UBE2D3: variants seen among roughly 807,000 people sequenced by gnomAD.
UBE2D3 encodes the protein ubiquitin-conjugating enzyme E2 D3.
A neutral mutation model predicts 22.8 loss-of-function variants in UBE2D3; 2 were observed. The ratio of observed to expected loss-of-function variants is 0.09; its 90% CI spans 0.04 to 0.28. The LOEUF is 0.28. UBE2D3 is among the 10% of genes least tolerant of loss of function. The pLI is 1.00. For missense variants in UBE2D3, 27 were observed against 182.5 expected (o/e 0.15, Z 4.91); for synonymous variants, 56 against 60.4 (o/e 0.93, Z 0.34).
intron 1 of UBE2D3, among the ~76,000 whole-genome samples, chr4:102,855,483 C>A (rs962504507): frequency 2.0e-5 from 3 of 152,214 alleles, no homozygotes; most frequent in African/African-American, 7.2e-5. Flanking sequence ...CTGGAGCAAT[C>A]ATAGTTCACT....
At position 102,802,506 on chromosome 4, in the gene UBE2D3, T is replaced by A. The variant is rs745974266; in HGVS notation, c.198+55A>T. The A allele has an allele frequency of 2.1e-6, 3 of 1,444,458 alleles. No homozygotes were observed. The highest frequency in any genetic ancestry group is 2.9e-6 in the Non-Finnish European group (3 of 1,048,576). 89.5% of individuals were successfully genotyped at this position (1,444,458 alleles called of 1,614,324 possible). On this transcript the variant is annotated intron_variant, in intron 5 of 7. Coordinates refer to ENST00000453744, the MANE Select transcript of UBE2D3 (RefSeq NM_181891.3). ...ACCCTATCTTCCAAGAATGCTCTAT[T>A]CCTTTGAAATAAAGCATAAATCTAT... is the stretch of plus-strand genomic sequence containing the variant.
At chr4:102,861,368 C>G (rs780106683) in intron 1 of UBE2D3, among the ~76,000 whole-genome samples, 1 of 151,982 alleles carries the variant, frequency 6.6e-6, no homozygotes, top group Non-Finnish European at 1.5e-5. Context: ...TACTAATCCA[C>G]CAACTTGCTG....
rs149489227 is a variant in UBE2D3, at chr4:102,827,073, AAAGG to A, written c.-129+350_-129+353del. ...GTGCGGCCGGGAAAAGGAAGGAAAT[AAAGG>A]AAGGGAGACTTGATGTGTATTGCTA... On this transcript the variant is annotated intron_variant, in intron 1 of 7. Coordinates refer to ENST00000453744, the MANE Select transcript of UBE2D3 (RefSeq NM_181891.3). 2,644 of 989,556 alleles carry A rather than the reference AAAGG, an allele frequency of 2.7e-3. 47 individuals are homozygous for A. In the African/African-American group the frequency reaches 0.041, roughly 15 times the overall value. The allele number at this position is 989,556 out of a possible 1,614,324, so 61.3% of individuals were successfully genotyped here. A position where few individuals can be genotyped will look rare whatever the true frequency, so the allele number is the denominator to read the frequency against.
At chr4:102,802,431 C>T in intron 5 of UBE2D3, 130 bp downstream of exon 5, 1 of 619,760 alleles carries the variant, frequency 1.6e-6, no homozygotes, top group Non-Finnish European at 2.6e-6. Context: ...GGTTAAGAGT[C>T]AGCATCTATA....
At chr4:102,845,723 C>T (rs892439213) in intron 1 of UBE2D3, among the ~76,000 whole-genome samples, 2 of 152,198 alleles carry the variant, frequency 1.3e-5, no homozygotes, top group African/African-American at 2.4e-5. Flanking sequence ...TCAAACTACT[C>T]TGGTTAACGT....
chr4:102,819,622 C>T, intron 2 of UBE2D3: 1 of 985,304 alleles, frequency 1.0e-6, no homozygotes, highest in Non-Finnish European at 1.2e-6. Context: ...TTCATCCCCC[C>T]AAGGCTTGTC....
chr4:102,846,111 C>A (rs1349970465), intron 1 of UBE2D3, among the ~76,000 whole-genome samples: 5 of 152,066 alleles, frequency 3.3e-5, no homozygotes, highest in African/African-American at 4.8e-5. Flanking sequence ...ATTTATATGC[C>A]ATTATGTGGC....
At chr4:102,846,010 C>T (rs966326525) in intron 1 of UBE2D3, among the ~76,000 whole-genome samples, 5 of 152,118 alleles carry the variant, frequency 3.3e-5, no homozygotes, top group African/African-American at 4.8e-5. Context: ...AGGCTGGTCT[C>T]GGACTCCTGG....
At chr4:102,836,785 A>T (rs1243926576) in intron 1 of UBE2D3, among the ~76,000 whole-genome samples, 1 of 152,096 alleles carries the variant, frequency 6.6e-6, no homozygotes, top group Non-Finnish European at 1.5e-5. Flanking sequence ...GCATTTTTTC[A>T]TGTGCTTCTT....
At chr4:102,861,445 T>C (rs528102224) in intron 1 of UBE2D3, among the ~76,000 whole-genome samples, 11 of 151,994 alleles carry the variant, frequency 7.2e-5, no homozygotes, top group Non-Finnish European at 1.2e-4. Context: ...CTGAGTTTAG[T>C]AGCTCAGAGG....
chr4:102,868,376 A>G (rs1578306428), intron 1 of UBE2D3, among the ~76,000 whole-genome samples: 3 of 151,942 alleles, frequency 2.0e-5, no homozygotes, highest in African/African-American at 7.2e-5. Flanking sequence ...CCAGCTTTGG[A>G]TTCTTTTACC....
At chr4:102,822,119 T>A (rs1729716923) in intron 2 of UBE2D3, among the ~76,000 whole-genome samples, 1 of 152,230 alleles carries the variant, frequency 6.6e-6, no homozygotes, top group African/African-American at 2.4e-5. Flanking sequence ...ACACAGTAGT[T>A]CATCCCAGTG....
intron 1 of UBE2D3, among the ~76,000 whole-genome samples, chr4:102,867,573 A>T (rs1733203273): frequency 6.6e-6 from 1 of 152,312 alleles, no homozygotes; most frequent in African/African-American, 2.4e-5. Context: ...AATCTTTTAG[A>T]GATATTAATA....
intron 2 of UBE2D3, among the ~76,000 whole-genome samples, chr4:102,821,141 T>C (rs1729541994): frequency 6.6e-6 from 1 of 152,184 alleles, no homozygotes; most frequent in Non-Finnish European, 1.5e-5. Context: ...GAAATAACAC[T>C]GCTATGGTAG....
At chr4:102,807,152 T>C (rs975565156) in intron 4 of UBE2D3, among the ~76,000 whole-genome samples, 9 of 152,218 alleles carry the variant, frequency 5.9e-5, no homozygotes, top group Admixed American at 2.6e-4. Flanking sequence ...AAAGCAAAAG[T>C]GACGTTGTTA....
chr4:102,824,320 G>A (rs145402245), intron 2 of UBE2D3, among the ~76,000 whole-genome samples: 1 of 152,272 alleles, frequency 6.6e-6, no homozygotes, highest in East Asian at 1.9e-4. Flanking sequence ...ATTATAAATT[G>A]TGATATTAAA....
At chr4:102,866,781 G>A (rs1028822172) in intron 1 of UBE2D3, among the ~76,000 whole-genome samples, 4 of 152,072 alleles carry the variant, frequency 2.6e-5, no homozygotes, top group Admixed American at 6.5e-5. Flanking sequence ...GAGAAGAAAC[G>A]AATAGGTAAT....
At chr4:102,843,892 G>A (rs1488527971) in intron 1 of UBE2D3, 3 of 152,094 alleles carry the variant, frequency 2.0e-5, no homozygotes, top group Non-Finnish European at 4.4e-5. Context: ...CCTGAGACAA[G>A]ACAGTAAGGA....
At position 102,796,700 on chromosome 4, in the gene UBE2D3, G is replaced by C. The variant is rs1373436649; in HGVS notation, c.*715C>G. On this transcript the variant is annotated 3_prime_UTR_variant, in exon 8 of 8. Coordinates refer to ENST00000453744, the MANE Select transcript of UBE2D3 (RefSeq NM_181891.3). ...CATTTATTCAGTGCTATATTAAACA[G>C]TGTATTGGAAGATAGATTAACTAAT... The C allele has an allele frequency of 1.3e-5, 2 of 152,384 alleles. No individual in the cohort carries two copies. Among genetic ancestry groups the C allele is most frequent in the African/African-American group, 4.8e-5 (2 of 41,410 alleles). 9.4% of individuals were successfully genotyped at this position (152,384 alleles called of 1,614,324 possible).
Sources: allele counts gnomAD v4.1 joint callset (sites outside exome capture counted in the v4.1 genomes callset), GRCh38; gene constraint gnomAD v4.1.1; transcripts MANE v1.5; gene names NCBI Gene and HGNC (gene_info 2026-07-23, HGNC 2026-07-21).